Variants in ZNF608 observed in about 807,000 individuals in gnomAD.
ZNF608 encodes zinc finger protein 608.
In ZNF608, 12 loss-of-function variants were observed where a neutral mutation model predicts 109.0. The observed-to-expected ratio is 0.11, with a 90% CI of 0.07 to 0.18. The LOEUF is 0.18. ZNF608 is among the 10% of genes least tolerant of loss of function. The pLI is 1.00. For synonymous variants in ZNF608, 732 were observed against 717.4 expected (o/e 1.02, Z -0.33); for missense variants, 1,707 against 1,879.3 (o/e 0.91, Z 1.70).
intron 2 of ZNF608, among the ~76,000 whole-genome samples, chr5:124,729,129 G>A (rs76210509): frequency 0.011 from 1,613 of 152,270 alleles, 35 homozygotes; most frequent in African/African-American, 0.036. Flanking sequence ...TCTGATTACC[G>A]TACTCATTCT....
At chr5:124,659,026 A>C (rs957136727) in intron 3 of ZNF608, among the ~76,000 whole-genome samples, 2 of 152,154 alleles carry the variant, frequency 1.3e-5, no homozygotes, top group African/African-American at 4.8e-5. Context: ...TGTCAAAATG[A>C]GAGGGAAACA....
rs765872793 is a variant in ZNF608, at chr5:124,644,519, C to T, written c.3848G>A (p.Ser1283Asn). ...KTPNKESGVP[S>N]LPVSLTSIKE... ...AATGCTTGTTAACGATACAGGAAGG[C>T]TGGGCACACCACTCTCTTTATTAGG... The change falls in exon 6 of 10, where the codon AGC becomes AAC. Residue 1283 changes from serine (S) to asparagine (N), a missense_variant. Physicochemically the swap from Ser to Asn is conservative, Grantham distance 46. This residue lies in a region of ZNF608 where 1,073 missense variants were observed against 1,133.5 expected (regional missense o/e 0.95). Transcript: ENST00000513986. 6.2e-7 allele frequency: 1 copy of T among 1,614,150 alleles called. No individual in the cohort carries two copies. The highest frequency in any genetic ancestry group is 1.1e-5 in the South Asian group (1 of 91,074).
At chr5:124,713,540 T>C (rs1753581682) in intron 2 of ZNF608, among the ~76,000 whole-genome samples, 1 of 152,254 alleles carries the variant, frequency 6.6e-6, no homozygotes, top group Non-Finnish European at 1.5e-5. Context: ...TACCAAAAAT[T>C]GTGCTCAATA....
intron 2 of ZNF608, among the ~76,000 whole-genome samples, chr5:124,705,878 C>G (rs1475257415): frequency 6.6e-6 from 1 of 152,184 alleles, no homozygotes; most frequent in East Asian, 1.9e-4. Flanking sequence ...GCTGCCCTAA[C>G]AGTCAGCTCA....
chr5:124,706,848 C>T (rs911465274), intron 2 of ZNF608, among the ~76,000 whole-genome samples: 1 of 152,258 alleles, frequency 6.6e-6, no homozygotes, highest in East Asian at 1.9e-4. Flanking sequence ...CATGATTATT[C>T]CCAGGTGTTA....
intron 2 of ZNF608, among the ~76,000 whole-genome samples, chr5:124,724,136 A>G (rs946887955): frequency 6.6e-6 from 1 of 152,210 alleles, no homozygotes; most frequent in African/African-American, 2.4e-5. Context: ...ACACATGTGC[A>G]AAGATGTTCA....
intron 3 of ZNF608, among the ~76,000 whole-genome samples, chr5:124,653,424 C>T (rs1168931023): frequency 6.6e-6 from 1 of 152,156 alleles, no homozygotes; most frequent in East Asian, 1.9e-4. Context: ...CTACAGGGTA[C>T]ACATTAGGTG....
intron 3 of ZNF608, among the ~76,000 whole-genome samples, chr5:124,678,562 G>A (rs191613648): frequency 1.1e-4 from 17 of 152,196 alleles, no homozygotes; most frequent in Admixed American, 1.3e-4. Context: ...CTGCCATTCC[G>A]TTCCCATGCT....
In ZNF608 at chr5:124,644,303, T is replaced by C. The variant is rs762867059; in HGVS notation, c.4064A>G (p.Tyr1355Cys). Residue 1355 changes from tyrosine to cysteine, a missense_variant, in exon 6 of 10, where the codon TAC (tyrosine) becomes TGC (cysteine). Physicochemically the swap from Tyr to Cys is radical, Grantham distance 194. Transcript: ENST00000513986. ...CCGGTATGCAGGATGGCTGGGGTCG[T>C]ACATCTGTGGGTAAGGATAAGCATG... ...YLHAYPYPQMYDPSHPAYRAV... is the reference protein window; with the variant it reads ...YLHAYPYPQMCDPSHPAYRAV... 1 of 1,614,034 alleles carries C rather than the reference T, an allele frequency of 6.2e-7. No individual in the cohort carries two copies. Among genetic ancestry groups the C allele is most frequent in the Non-Finnish European group, 8.5e-7 (1 of 1,179,908 alleles).
At chr5:124,743,359 A>G (rs1156980440) in intron 2 of ZNF608, among the ~76,000 whole-genome samples, 2 of 152,188 alleles carry the variant, frequency 1.3e-5, no homozygotes. Context: ...TCCAAGTGAT[A>G]ACACTCTTAA....
At chr5:124,716,142 C>CAAAAAAAA (rs1232356378) in intron 2 of ZNF608, among the ~76,000 whole-genome samples, 96 of 73,814 alleles carry the variant, frequency 1.3e-3, no homozygotes, top group African/African-American at 1.8e-3. Flanking sequence ...GAATCCGTCT[C>CAAAAAAAA]AAAAAAAAAA....
intron 8 of ZNF608, 72 bp from the exon 9 acceptor site, chr5:124,639,286 G>A: frequency 1.5e-6 from 2 of 1,350,844 alleles, no homozygotes; most frequent in Non-Finnish European, 2.1e-6. Context: ...CAGTGGAGAA[G>A]GGCCGCAGAC....
Position 124,701,039 on chromosome 5 carries a change from C to A in ZNF608, c.1137G>T (p.Gly379=). ...CEPGTSVNLE[G]IVWHETEEGV... is the part of the protein sequence containing the mutation. ...CTTCTTCTGTTTCATGCCACACGAT[C>A]CCTTCCAAATTCACACTGGTCCCAG... The change falls in exon 3 of 10, where the codon GGG becomes GGT. Residue 379 remains glycine (G), a synonymous_variant. Transcript: ENST00000513986. 1 of 1,614,172 alleles carries A rather than the reference C, an allele frequency of 6.2e-7. No homozygotes were observed. The highest frequency in any genetic ancestry group is 8.5e-7 in the Non-Finnish European group (1 of 1,180,012).
At chr5:124,640,424 A>T (rs750843451) in intron 8 of ZNF608, among the ~76,000 whole-genome samples, 21 of 152,172 alleles carry the variant, frequency 1.4e-4, no homozygotes, top group Non-Finnish European at 2.5e-4. Flanking sequence ...CCACCAGCTC[A>T]TGCACAAAGA....
Position 124,644,395 on chromosome 5 carries a change from G to C in ZNF608, c.3972C>G (p.Asp1324Glu). Residue 1324 changes from aspartate to glutamate, a missense_variant, in exon 6 of 10, where the codon GAC becomes GAG. Around this residue, in one of 7 missense-constraint regions of ZNF608, gnomAD observed 1,073 missense variants for 1,133.5 expected, o/e 0.95. Coordinates refer to ENST00000513986, the MANE Select transcript of ZNF608 (RefSeq NM_020747.3). ...AGACAGCCACTCTTGTTCCCCGAGAGTCCTTCCAGTTCACAGGAGTCTTTC... is the reference window on the plus strand; with the variant it reads ...AGACAGCCACTCTTGTTCCCCGAGACTCCTTCCAGTTCACAGGAGTCTTTC... Reference protein sequence around the residue: ...DDRKTPVNWKDSRGTRVAVSS... With the variant: ...DDRKTPVNWKESRGTRVAVSS... 6.2e-7 allele frequency: 1 copy of C among 1,614,118 alleles called. No individual in the cohort carries two copies. The highest frequency in any genetic ancestry group is 1.1e-5 in the South Asian group (1 of 91,078).
rs1204513014 is a variant in ZNF608, at chr5:124,647,927, T to C, written c.2457A>G (p.Leu819=). 5.0e-6 allele frequency: 8 copies of C among 1,614,174 alleles called. No homozygotes were observed. Among genetic ancestry groups the C allele is most frequent in the Non-Finnish European group, 6.8e-6 (8 of 1,180,016 alleles). Residue 819 remains leucine (L), a synonymous_variant, in exon 5 of 10, where the codon CTA becomes CTG. Transcript: ENST00000513986. ...CCGTCTCTTTCCCTTCTTTGTCCTTTAGCTTTCGCTTCTCCTTTTTCTTTT... is the reference window on the plus strand; with the variant it reads ...CCGTCTCTTTCCCTTCTTTGTCCTTCAGCTTTCGCTTCTCCTTTTTCTTTT... ...KDKKKKEKRK[L]KDKEGKETGS...
At position 124,648,273 on chromosome 5, in the gene ZNF608, C is replaced by A; in HGVS notation, c.2111G>T (p.Gly704Val). Reference protein sequence around the residue: ...AAEMPKLEAEGLIDKKNLGDK... With the variant: ...AAEMPKLEAEVLIDKKNLGDK... ...TCCTAAATTTTTCTTGTCAATTAATCCTTCTGCTTCCAGTTTAGGCATCTC... is the reference window on the plus strand; with the variant it reads ...TCCTAAATTTTTCTTGTCAATTAATACTTCTGCTTCCAGTTTAGGCATCTC... Residue 704 changes from glycine (G) to valine (V), a missense_variant, in exon 5 of 10, where the codon GGA (glycine) becomes GTA (valine). Physicochemically the swap from Gly to Val is moderately radical, Grantham distance 109. Around this residue, in one of 7 missense-constraint regions of ZNF608, gnomAD observed 1,073 missense variants for 1,133.5 expected, o/e 0.95. Transcript: ENST00000513986. 6.2e-7 allele frequency: 1 copy of A among 1,614,182 alleles called. No individual in the cohort carries two copies.
chr5:124,716,444 T>C (rs181588440), intron 2 of ZNF608, among the ~76,000 whole-genome samples: 1 of 152,310 alleles, frequency 6.6e-6, no homozygotes, highest in African/African-American at 2.4e-5. Flanking sequence ...ATTTATTCCC[T>C]GACTATAGTG....
At chr5:124,665,724 G>T (rs962659377) in intron 3 of ZNF608, among the ~76,000 whole-genome samples, 62 of 152,162 alleles carry the variant, frequency 4.1e-4, no homozygotes, top group Admixed American at 9.8e-4. Flanking sequence ...AATTGATGAG[G>T]TACATTTGTC....
Sources: gnomAD v4.1 joint callset for allele counts (sites outside exome capture counted in the v4.1 genomes callset) on GRCh38, gnomAD v4.1.1 for gene constraint, gnomAD v4.1.1 regional missense constraint, MANE v1.5 for transcripts, NCBI Gene and HGNC (gene_info 2026-07-23, HGNC 2026-07-21) for gene names.